Variants in ARMC2 observed in about 807,000 individuals in gnomAD.
ARMC2 encodes the protein armadillo repeat containing 2.
Under a neutral mutation model 90.3 loss-of-function variants are expected in ARMC2, and 67 were observed. The observed-to-expected ratio is 0.74, with a 90% CI of 0.61 to 0.91. ARMC2 has a LOEUF of 0.91. ARMC2 is among the 40% of genes least tolerant of loss of function. ARMC2 has a pLI of 0.00. For synonymous variants in ARMC2, 393 were observed against 393.0 expected, an observed-to-expected ratio of 1.00 and a Z score of 0.00; for missense variants, 920 against 1,030.9, an observed-to-expected ratio of 0.89 and a Z score of 1.47.
the ARMC2 span, among the ~76,000 whole-genome samples, chr6:108,995,820 T>C: frequency 6.6e-6 from 1 of 151,666 alleles, no homozygotes; most frequent in Non-Finnish European, 1.5e-5. Flanking sequence ...CAAATCTCAA[T>C]GTATACATAC....
At chr6:109,001,433 A>T in the ARMC2 span, 1 of 1,613,940 alleles carries the variant, frequency 6.2e-7, no homozygotes, top group South Asian at 1.1e-5. Context: ...CAAAGCAGCA[A>T]AAGAATCTGC....
At chr6:108,998,639 T>G in the ARMC2 span, 1 of 1,613,980 alleles carries the variant, frequency 6.2e-7, no homozygotes, top group Non-Finnish European at 8.5e-7. Context: ...AATGAATTTC[T>G]GGACTGATTC....
chr6:109,004,397 A>C, the ARMC2 span, among the ~76,000 whole-genome samples: 1 of 152,170 alleles, frequency 6.6e-6, no homozygotes, highest in African/African-American at 2.4e-5. Flanking sequence ...CTAAATTTTA[A>C]AGAAAGATTA....
chr6:108,904,597 A>G (rs1386627898), intron 8 of ARMC2, among the ~76,000 whole-genome samples, 192 bp downstream of exon 8: 2 of 151,964 alleles, frequency 1.3e-5, no homozygotes, highest in Non-Finnish European at 2.9e-5. Context: ...AAGGCTGAGT[A>G]CATAGAAAAT....
intron 6 of ARMC2, 108 bp downstream of exon 6, chr6:108,894,651 A>G (rs1771415790): frequency 3.3e-6 from 3 of 920,518 alleles, no homozygotes; most frequent in Non-Finnish European, 4.7e-6. Flanking sequence ...AGTTTGTCCA[A>G]TTTGGTCACA....
chr6:108,989,466 TAGAA>T, the ARMC2 span, among the ~76,000 whole-genome samples: 1 of 146,182 alleles, frequency 6.8e-6, no homozygotes, highest in South Asian at 2.1e-4. Flanking sequence ...TCTAGAGATA[TAGAA>T]ATATCTGTAT....
At chr6:109,013,588 C>A in the ARMC2 span, among the ~76,000 whole-genome samples, 1 of 152,214 alleles carries the variant, frequency 6.6e-6, no homozygotes, top group Non-Finnish European at 1.5e-5. Context: ...AAGGCATAAT[C>A]ATACTTTTAT....
chr6:108,854,618 G>C (rs556414263), intron 2 of ARMC2, 133 bp downstream of exon 2: 47 of 844,804 alleles, frequency 5.6e-5, no homozygotes, highest in Middle Eastern at 5.4e-4. Flanking sequence ...CAGCAAAATT[G>C]AGTGGAAGGT....
At chr6:109,002,557 T>C in the ARMC2 span, among the ~76,000 whole-genome samples, 1 of 152,184 alleles carries the variant, frequency 6.6e-6, no homozygotes, top group Non-Finnish European at 1.5e-5. Flanking sequence ...ATAAAACCTG[T>C]TTCACTAAAA....
the ARMC2 span, among the ~76,000 whole-genome samples, chr6:109,011,764 C>T: frequency 6.6e-6 from 1 of 151,646 alleles, no homozygotes; most frequent in Non-Finnish European, 1.5e-5. Context: ...GAGTAGCTGG[C>T]ACTACAGGCA....
the ARMC2 span, among the ~76,000 whole-genome samples, chr6:108,994,288 T>C: frequency 1.3e-5 from 2 of 152,186 alleles, no homozygotes; most frequent in South Asian, 4.1e-4. Context: ...TTTTCACTTA[T>C]GACCTTTTCT....
At chr6:109,042,830 G>A in the ARMC2 span, among the ~76,000 whole-genome samples, 1 of 151,846 alleles carries the variant, frequency 6.6e-6, no homozygotes, top group Admixed American at 6.6e-5. Flanking sequence ...AAAACAAGGA[G>A]GGAAAAATTT....
the ARMC2 span, among the ~76,000 whole-genome samples, chr6:109,012,057 C>T: frequency 4.0e-4 from 61 of 152,258 alleles, no homozygotes; most frequent in Non-Finnish European, 4.9e-4. Context: ...TCTGAAGGTG[C>T]TGCTCCTCTC....
chr6:108,928,813 G>T (rs915080399), intron 11 of ARMC2, among the ~76,000 whole-genome samples: 1 of 152,038 alleles, frequency 6.6e-6, no homozygotes, highest in African/African-American at 2.4e-5. Context: ...GTTTCCTCCC[G>T]CGCTGCTCTT....
the ARMC2 span, chr6:109,000,334 G>T: frequency 6.1e-6 from 3 of 495,044 alleles, no homozygotes; most frequent in Admixed American, 3.9e-5. Flanking sequence ...ATGTACCACA[G>T]AAATGCTGTA....
At chr6:108,976,136 A>C (rs887903335), downstream of ARMC2, among the ~76,000 whole-genome samples, 11 of 152,136 alleles carry the variant, frequency 7.2e-5, no homozygotes, top group African/African-American at 2.7e-4. Flanking sequence ...TTATGGTTTT[A>C]GGTCTTACAT....
the ARMC2 span, among the ~76,000 whole-genome samples, chr6:109,007,682 A>G: frequency 6.6e-6 from 1 of 152,126 alleles, no homozygotes. Context: ...GGAGAGATCT[A>G]GAAGTGTTAG....
intron 12 of ARMC2, among the ~76,000 whole-genome samples, chr6:108,949,180 A>T (rs1373696890): frequency 6.6e-6 from 1 of 152,182 alleles, no homozygotes; most frequent in Non-Finnish European, 1.5e-5. Flanking sequence ...CTTGTTTAAC[A>T]TGCTTTTATG....
the ARMC2 span, among the ~76,000 whole-genome samples, chr6:109,004,808 CAAAA>C: frequency 2.6e-5 from 4 of 152,146 alleles, no homozygotes; most frequent in African/African-American, 9.7e-5. Context: ...GCTTGACACT[CAAAA>C]CAACTGCAAG....
Sources: gnomAD v4.1 joint callset for allele counts (sites outside exome capture counted in the v4.1 genomes callset) on GRCh38, gnomAD v4.1.1 for gene constraint, MANE v1.5 for transcripts, NCBI Gene and HGNC (gene_info 2026-07-23, HGNC 2026-07-21) for gene names.